OPN3: variants seen among roughly 807,000 people sequenced by gnomAD.
OPN3 encodes opsin-3.
OPN3 carries 29 observed loss-of-function variants against 33.8 expected under a neutral mutation model. That is an observed-to-expected ratio of 0.86 (90% confidence interval 0.64 to 1.17). The LOEUF is 1.17. Ranked by LOEUF, OPN3 falls within the 50% of genes most tolerant of loss-of-function variation. OPN3 has a pLI of 0.00. For synonymous variants in OPN3, 216 were observed against 216.1 expected (o/e 1.00, Z 0.00); for missense variants, 437 against 514.1 (o/e 0.85, Z 1.45).
In OPN3 at chr1:241,597,912, A is replaced by G; in HGVS notation, c.779T>C (p.Met260Thr). Residue 260 changes from methionine (M) to threonine (T), a missense_variant, in exon 3 of 4, where the codon ATG (methionine) becomes ACG (threonine). Transcript: ENST00000366554. Reference sequence around the variant, plus strand: ...CCAACAGACCAGGAAGGTGAATATCATTAAAAAGCACATTTTGGCCAGTTT... The same window carrying G: ...CCAACAGACCAGGAAGGTGAATATCGTTAAAAAGCACATTTTGGCCAGTTT... Reference protein sequence around the residue: ...EKKLAKMCFLMIFTFLVCWMP... With the variant: ...EKKLAKMCFLTIFTFLVCWMP... The G allele has an allele frequency of 1.2e-6, 2 of 1,614,070 alleles. No homozygotes were observed. Among genetic ancestry groups the G allele is most frequent in the Non-Finnish European group, 1.7e-6 (2 of 1,179,990 alleles).
At chr1:241,635,494 C>G (rs776279626) in intron 1 of OPN3, 2 of 1,613,870 alleles carry the variant, frequency 1.2e-6, no homozygotes, top group Non-Finnish European at 1.7e-6. Flanking sequence ...TTTCATCCTT[C>G]TTGCGAAGAG....
intron 1 of OPN3, among the ~76,000 whole-genome samples, chr1:241,605,797 G>A (rs1023876157): frequency 2.6e-5 from 4 of 152,222 alleles, no homozygotes; most frequent in East Asian, 1.9e-4. Flanking sequence ...GTCTATAAAC[G>A]ATGATTCAAA....
rs1420896512 is a variant in OPN3, at chr1:241,635,368, T to C, written c.373+4514A>G. The stretch of plus-strand genomic sequence containing the variant: ...CTTCAGGTAATGCAGAATCCAGAAC[T>C]TCAGTGAAGGTATTAGACACCCCCA... On this transcript the variant is annotated intron_variant, in intron 1 of 3. Transcript: ENST00000366554. 6 of 1,613,966 alleles carry C rather than the reference T, an allele frequency of 3.7e-6. No homozygotes were observed. In the Admixed American group the frequency reaches 1.0e-4, roughly 27 times the overall value.
intron 1 of OPN3, among the ~76,000 whole-genome samples, chr1:241,626,144 G>T (rs1385899426): frequency 1.3e-5 from 2 of 152,164 alleles, no homozygotes; most frequent in East Asian, 3.8e-4. Context: ...AATACAAGAA[G>T]CCAGGACTAT....
At chr1:241,627,792 T>G (rs1336200039) in intron 1 of OPN3, among the ~76,000 whole-genome samples, 1 of 152,198 alleles carries the variant, frequency 6.6e-6, no homozygotes. Flanking sequence ...TCTGAAAATT[T>G]TCAGAGGAAG....
At chr1:241,632,934 G>A (rs1423892841) in intron 1 of OPN3, 1 of 152,052 alleles carries the variant, frequency 6.6e-6, no homozygotes, top group Non-Finnish European at 1.5e-5. Flanking sequence ...CCCTTCTGAA[G>A]TATCTTCTCC....
intron 2 of OPN3, chr1:241,600,800 G>A (rs1663658283): frequency 6.6e-6 from 1 of 151,940 alleles, no homozygotes; most frequent in South Asian, 2.1e-4. Flanking sequence ...AATAGTCACT[G>A]ATTACCTACT....
Position 241,634,319 on chromosome 1 carries a change from T to C in OPN3, c.373+5563A>G, listed in dbSNP as rs1664780810. ...GACCCGTACAGCACAAGCTCCTGGC[T>C]CTGCTGGAGGAACTATCAGAATGGA... On this transcript the variant is annotated intron_variant, in intron 1 of 3. Coordinates refer to ENST00000366554, the MANE Select transcript of OPN3 (RefSeq NM_014322.3). 1.9e-6 allele frequency: 3 copies of C among 1,614,010 alleles called. No homozygotes were observed. The East Asian group carries it at 6.7e-5, about 36-fold the overall frequency.
rs750828109 is a variant in OPN3 at position 241,597,787 on chromosome 1, T to C, written c.904A>G (p.Thr302Ala). Residue 302 changes from threonine (T) to alanine (A), a missense_variant, in exon 3 of 4, where the codon ACT becomes GCT. Physicochemically the swap from Thr to Ala is moderately conservative, Grantham distance 58. Transcript: ENST00000366554. Reference sequence around the variant, plus strand: ...ACATAAATCACTGGATTGTATACAGTGTTCGATTTAGCAAAGAGGTACGAA... The same window carrying C: ...ACATAAATCACTGGATTGTATACAGCGTTCGATTTAGCAAAGAGGTACGAA... ...IVSYLFAKSN[T>A]VYNPVIYVFM... 6.2e-7 allele frequency: 1 copy of C among 1,613,756 alleles called. No individual in the cohort carries two copies. The highest frequency in any genetic ancestry group is 8.5e-7 in the Non-Finnish European group (1 of 1,179,924).
At position 241,597,741 on chromosome 1, in the gene OPN3, C is replaced by A; in HGVS notation, c.945+5G>T. ...TGAAAACAATCAGTTAATTGCAAAG[C>A]TTACCTTTCTGATCATGAAGACATA... On this transcript the variant is annotated splice_donor_5th_base_variant and intron_variant, in intron 3 of 3. Transcript: ENST00000366554. The A allele has an allele frequency of 6.2e-7, 1 of 1,610,434 alleles. No homozygotes were observed. The highest frequency in any genetic ancestry group is 8.5e-7 in the Non-Finnish European group (1 of 1,177,744).
At chr1:241,624,259 C>T (rs1273899235) in intron 1 of OPN3, among the ~76,000 whole-genome samples, 1 of 123,316 alleles carries the variant, frequency 8.1e-6, no homozygotes, top group Non-Finnish European at 1.7e-5. Flanking sequence ...CCAGGCCAGG[C>T]ACTCTACGCT....
intron 1 of OPN3, among the ~76,000 whole-genome samples, chr1:241,610,796 G>A (rs991423285): frequency 5.9e-5 from 9 of 152,112 alleles, no homozygotes; most frequent in Admixed American, 6.6e-5. Context: ...AATGAATGTC[G>A]TCTGACTTCA....
At chr1:241,609,454 T>C (rs1420389293) in intron 1 of OPN3, among the ~76,000 whole-genome samples, 1 of 152,232 alleles carries the variant, frequency 6.6e-6, no homozygotes, top group African/African-American at 2.4e-5. Context: ...CTACCAGTGG[T>C]AAAGTGATGT....
rs764339395 is a variant in OPN3 at position 241,640,152 on chromosome 1, G to A, written c.103C>T (p.Leu35Phe). The part of the protein sequence containing the change: ...APAGTLSPAP[L>F]FSPGTYERLA... ...CGCTCGTAGGTGCCGGGGCTGAAGA[G>A]GGGCGCGGGGCTCAGTGTCCCCGCC... The change falls in exon 1 of 4, where the codon CTC (leucine) becomes TTC (phenylalanine). Residue 35 changes from leucine (L) to phenylalanine (F), a missense_variant. Leu to Phe is a conservative substitution (Grantham distance 22). Transcript: ENST00000366554. 2 of 1,525,174 alleles carry A rather than the reference G, an allele frequency of 1.3e-6. No individual in the cohort carries two copies. Among genetic ancestry groups the A allele is most frequent in the Non-Finnish European group, 1.8e-6 (2 of 1,139,238 alleles). The allele number at this position is 1,525,174 out of a possible 1,614,324, so 94.5% of individuals were successfully genotyped here.
At chr1:241,633,975 G>A (rs1170928921) in intron 1 of OPN3, 3 of 1,613,776 alleles carry the variant, frequency 1.9e-6, no homozygotes, top group South Asian at 2.2e-5. Flanking sequence ...AAGATCTCCT[G>A]GAAAAGTGTT....
At chr1:241,637,065 G>A (rs1475758422) in intron 1 of OPN3, among the ~76,000 whole-genome samples, 3 of 152,190 alleles carry the variant, frequency 2.0e-5, no homozygotes, top group African/African-American at 7.2e-5. Flanking sequence ...AGGTAGAAAG[G>A]CCAAGGTGCT....
chr1:241,636,408 TA>T (rs371426238), intron 1 of OPN3, among the ~76,000 whole-genome samples: 109 of 152,334 alleles, frequency 7.2e-4, no homozygotes, highest in African/African-American at 2.3e-3. Context: ...GAGCTTAGAC[TA>T]AAAGGAACGC....
chr1:241,635,422 C>T lies in OPN3; in HGVS notation c.373+4460G>A, dbSNP rs766716481. 3.7e-6 allele frequency: 6 copies of T among 1,613,908 alleles called. No homozygotes were observed. The Admixed American group carries it at 1.0e-4, about 27-fold the overall frequency. On this transcript the variant is annotated intron_variant, in intron 1 of 3. Transcript: ENST00000366554. The stretch of plus-strand genomic sequence containing the variant: ...AAGGATTTTTCTGCAGAGCACCAAT[C>T]TCTTCAACGTTGTCCTCCATATCCT...
At chr1:241,597,619 T>C (rs1663560401) in intron 3 of OPN3, 127 bp downstream of exon 3, 1 of 931,872 alleles carries the variant, frequency 1.1e-6, no homozygotes, top group Admixed American at 2.7e-5. Context: ...CAGATCCCTT[T>C]AATTCCTAAA....
Sources: gnomAD v4.1 joint callset for allele counts (sites outside exome capture counted in the v4.1 genomes callset) on GRCh38, gnomAD v4.1.1 for gene constraint, MANE v1.5 for transcripts, NCBI Gene and HGNC (gene_info 2026-07-23, HGNC 2026-07-21) for gene names.